RPS6KA6: variants seen among roughly 807,000 people sequenced by gnomAD.
RPS6KA6 encodes ribosomal protein S6 kinase A6.
RPS6KA6 carries 27 observed loss-of-function variants against 65.4 expected under a neutral mutation model. The ratio of observed to expected loss-of-function variants is 0.41; its 90% confidence interval spans 0.30 to 0.57. RPS6KA6 has a LOEUF of 0.57. Ranked by LOEUF, RPS6KA6 falls within the 20% of genes least tolerant of loss-of-function variation. RPS6KA6 has a pLI of 0.24. For missense variants in RPS6KA6, 486 were observed against 555.6 expected (o/e 0.87, Z 1.26); for synonymous variants, 190 against 184.2 (o/e 1.03, Z -0.26).
At chrX:84,129,093 C>T (rs2034846966) in intron 8 of RPS6KA6, among the ~76,000 whole-genome samples, 1 of 110,985 alleles carries the variant, frequency 9.0e-6, no homozygotes, top group African/African-American at 3.3e-5. Flanking sequence ...GCAAACTGCC[C>T]ATCTGACAAG....
chrX:84,105,009 C>T (rs919724363), intron 16 of RPS6KA6, among the ~76,000 whole-genome samples: 6 of 111,163 alleles, frequency 5.4e-5, no homozygotes, highest in East Asian at 2.8e-4. Flanking sequence ...CTTCCCCAAA[C>T]GTAAGCTTCT....
In RPS6KA6 at chrX:84,062,785, C is replaced by G. The variant is rs2033321332; in HGVS notation, c.*1492G>C. 9.0e-6 allele frequency: 1 copy of G among 111,406 alleles called. No homozygotes were observed. Among genetic ancestry groups the G allele is most frequent in the African/African-American group, 3.3e-5 (1 of 30,708 alleles). 9.2% of individuals were successfully genotyped at this position (111,406 alleles called of 1,213,427 possible). ...ATTGTATAATTCAGCACTCAGTAATCAACTTTCTCTCTGAATAAAGCAAAA... is the reference window on the plus strand; with the variant it reads ...ATTGTATAATTCAGCACTCAGTAATGAACTTTCTCTCTGAATAAAGCAAAA... On this transcript the variant is annotated 3_prime_UTR_variant, in exon 22 of 22. Transcript: ENST00000262752.
At chrX:84,118,466 A>G (rs766935576) in intron 9 of RPS6KA6, among the ~76,000 whole-genome samples, 2 of 111,405 alleles carry the variant, frequency 1.8e-5, no homozygotes, top group African/African-American at 6.5e-5. Flanking sequence ...AAGGTCTCCA[A>G]ATGATTCTGA....
chrX:84,108,886 C>T (rs2034414343), intron 12 of RPS6KA6, among the ~76,000 whole-genome samples: 1 of 112,048 alleles, frequency 8.9e-6, no homozygotes, highest in Non-Finnish European at 1.9e-5. Context: ...GACTGCCGGT[C>T]TCAGCTGTTC....
At chrX:84,124,640 A>G (rs2034742031) in intron 8 of RPS6KA6, among the ~76,000 whole-genome samples, 2 of 110,527 alleles carry the variant, frequency 1.8e-5, no homozygotes, top group African/African-American at 6.6e-5. Flanking sequence ...AAAAAAGAAT[A>G]AAGCATGGCT....
At chrX:84,079,102 A>G (rs1372290132) in intron 20 of RPS6KA6, among the ~76,000 whole-genome samples, 2 of 111,254 alleles carry the variant, frequency 1.8e-5, no homozygotes, top group Non-Finnish European at 3.8e-5. Context: ...TGCATTTCCA[A>G]CTGAGGTACC....
rs2034393670 is a variant in RPS6KA6, at chrX:84,107,991, T to G, written c.1009-266A>C. ...TCAGAAGTTTTTGAATGCTCATTGA[T>G]AATATAACCATGCAAATACAGCACA... is the stretch of plus-strand genomic sequence containing the variant. On this transcript the variant is annotated intron_variant, in intron 12 of 21. Transcript: ENST00000262752. Among the ~76,000 whole-genome samples the G allele has an allele frequency of 2.7e-5, 3 of 112,239 alleles. No homozygotes were observed. In the South Asian group the frequency reaches 1.1e-3, roughly 41 times the overall value.
chrX:84,167,231 T>C, intron 1 of RPS6KA6, among the ~76,000 whole-genome samples: 1 of 112,165 alleles, frequency 8.9e-6, no homozygotes, highest in Admixed American at 9.4e-5. Flanking sequence ...AGTGGAAACA[T>C]GTTAAGACAC....
At chrX:84,067,803 G>A (rs1330210434) in intron 20 of RPS6KA6, among the ~76,000 whole-genome samples, 2 of 110,807 alleles carry the variant, frequency 1.8e-5, no homozygotes, top group South Asian at 7.6e-4. Context: ...AGCAATCCCA[G>A]GACACATAAT....
At chrX:84,142,169 T>C (rs990676029) in intron 6 of RPS6KA6, among the ~76,000 whole-genome samples, 1 of 111,703 alleles carries the variant, frequency 9.0e-6, no homozygotes. Context: ...ATACAAAGTA[T>C]GCTTTATGAC....
chrX:84,181,466 C>T (rs190410774), intron 1 of RPS6KA6, among the ~76,000 whole-genome samples: 1 of 112,283 alleles, frequency 8.9e-6, no homozygotes, highest in African/African-American at 3.2e-5. Flanking sequence ...AAAACAACAA[C>T]AAAATAAAAC....
intron 20 of RPS6KA6, among the ~76,000 whole-genome samples, chrX:84,083,328 G>A (rs1437407436): frequency 2.7e-5 from 3 of 112,468 alleles, no homozygotes; most frequent in African/African-American, 6.5e-5. Context: ...AGATTAACAC[G>A]TCACTTAGGT....
intron 9 of RPS6KA6, among the ~76,000 whole-genome samples, chrX:84,118,398 T>C (rs1056869283): frequency 2.7e-5 from 3 of 111,131 alleles, no homozygotes; most frequent in African/African-American, 9.8e-5. Flanking sequence ...GGATCGTATA[T>C]AGGACTCACA....
At chrX:84,145,072 T>C (rs1167508146) in intron 6 of RPS6KA6, among the ~76,000 whole-genome samples, 2 of 111,282 alleles carry the variant, frequency 1.8e-5, no homozygotes, top group African/African-American at 6.5e-5. Flanking sequence ...ATTATTCTTA[T>C]TGTAATGATG....
chrX:84,087,966 C>T (rs769831639), intron 20 of RPS6KA6, among the ~76,000 whole-genome samples: 1 of 112,070 alleles, frequency 8.9e-6, no homozygotes, highest in Non-Finnish European at 1.9e-5. Context: ...CTTGTGATTA[C>T]GTTGTGAAGT....
chrX:84,081,476 T>C (rs1289239213), intron 20 of RPS6KA6, among the ~76,000 whole-genome samples: 1 of 111,803 alleles, frequency 8.9e-6, no homozygotes, highest in Middle Eastern at 4.2e-3. Flanking sequence ...GCAGTAATTA[T>C]AGCCTACCAA....
chrX:84,183,523 A>G (rs1351205106), intron 1 of RPS6KA6, among the ~76,000 whole-genome samples: 4 of 111,663 alleles, frequency 3.6e-5, no homozygotes, highest in Non-Finnish European at 7.5e-5. Context: ...TTTATGAGAT[A>G]AAATTGAACC....
At position 84,127,313 on chromosome X, in the gene RPS6KA6, C is replaced by G. The variant is rs187488222; in HGVS notation, c.647-7286G>C. Among the ~76,000 whole-genome samples, 40 of 111,064 alleles carry G rather than the reference C, an allele frequency of 3.6e-4. 1 individual carries two copies. Among genetic ancestry groups the G allele is most frequent in the Non-Finnish European group, 6.8e-4 (36 of 52,836 alleles). On this transcript the variant is annotated intron_variant, in intron 8 of 21. Transcript: ENST00000262752. ...AGAGGCCAATAACAATTAGTAAGATCAACATCATAATAAAAAGTCTCCCAG... is the reference window on the plus strand; with the variant it reads ...AGAGGCCAATAACAATTAGTAAGATGAACATCATAATAAAAAGTCTCCCAG...
chrX:84,099,489 T>C (rs1364435443), intron 18 of RPS6KA6, among the ~76,000 whole-genome samples: 1 of 111,226 alleles, frequency 9.0e-6, no homozygotes, highest in Non-Finnish European at 1.9e-5. Context: ...CAGCAGAAAG[T>C]AACATACACA....
Sources: allele counts gnomAD v4.1 joint callset (sites outside exome capture counted in the v4.1 genomes callset), GRCh38; gene constraint gnomAD v4.1.1; transcripts MANE v1.5; gene names NCBI Gene and HGNC (gene_info 2026-07-23, HGNC 2026-07-21).